DCP1B: variants seen among roughly 807,000 people sequenced by gnomAD.
The protein encoded by DCP1B is decapping mRNA 1B, also known as mRNA-decapping enzyme 1B.
DCP1B carries 47 observed loss-of-function variants against 60.5 expected under a neutral mutation model. The ratio of observed to expected loss-of-function variants is 0.78; its 90% CI spans 0.61 to 0.99. The LOEUF (loss-of-function observed/expected upper bound fraction) is 0.99. Ranked by LOEUF, DCP1B falls within the 50% of genes least tolerant of loss-of-function variation. DCP1B has a pLI of 0.00. For missense variants in DCP1B, 725 were observed against 756.8 expected (o/e 0.96, Z 0.49); for synonymous variants, 267 against 280.3 (o/e 0.95, Z 0.47).
At position 1,952,802 on chromosome 12, in the gene DCP1B, C is replaced by T; in HGVS notation, c.1138G>A (p.Ala380Thr). 6.2e-7 allele frequency: 1 copy of T among 1,614,188 alleles called. No individual in the cohort carries two copies. Among genetic ancestry groups the T allele is most frequent in the South Asian group, 1.1e-5 (1 of 91,084 alleles). Residue 380 changes from alanine to threonine, a missense_variant, in exon 7 of 9, where the codon GCT becomes ACT. Physicochemically the swap from Ala to Thr is moderately conservative, Grantham distance 58. Coordinates refer to ENST00000280665, the MANE Select transcript of DCP1B (RefSeq NM_152640.5). ...DPSTPAPASS[A>T]ALNRSRAPTS... ...GGAGCTCTGCTGCGGTTCAGGGCAG[C>T]TGAGCTGGCAGGTGCTGGTGTACTA...
At chr12:1,973,706 G>C (rs2033302709) in intron 3 of DCP1B, among the ~76,000 whole-genome samples, 1 of 152,076 alleles carries the variant, frequency 6.6e-6, no homozygotes, top group Non-Finnish European at 1.5e-5. Flanking sequence ...TTTAATCTAA[G>C]AGATATAACA....
chr12:1,955,400 A>G (rs764830101), intron 6 of DCP1B, 32 bp downstream of exon 6: 2 of 1,597,490 alleles, frequency 1.3e-6, no homozygotes, highest in East Asian at 2.3e-5. Flanking sequence ...TTCTAGAGAC[A>G]CACTGAATAT....
chr12:2,004,241 C>A, intron 1 of DCP1B, 41 bp downstream of exon 1: 2 of 1,610,450 alleles, frequency 1.2e-6, no homozygotes, highest in Non-Finnish European at 1.7e-6. Context: ...CCGCCTCCAC[C>A]CCAACCCTGG....
chr12:1,952,786 C>T lies in DCP1B; in HGVS notation c.1154G>A (p.Ser385Asn). 1.2e-6 allele frequency: 2 copies of T among 1,614,166 alleles called. No homozygotes were observed. Among genetic ancestry groups the T allele is most frequent in the Non-Finnish European group, 1.7e-6 (2 of 1,180,032 alleles). Residue 385 changes from serine to asparagine, a missense_variant, in exon 7 of 9, where the codon AGC becomes AAC. Coordinates refer to ENST00000280665, the MANE Select transcript of DCP1B (RefSeq NM_152640.5). The stretch of plus-strand genomic sequence containing the variant: ...AGGGGTGACAGAAGTGGGAGCTCTG[C>T]TGCGGTTCAGGGCAGCTGAGCTGGC... ...APASSAALNR[S>N]RAPTSVTPVA... is the part of the protein sequence containing the mutation.
chr12:1,944,691 C>T (rs1261180306), downstream of DCP1B, among the ~76,000 whole-genome samples: 1 of 152,198 alleles, frequency 6.6e-6, no homozygotes, highest in Non-Finnish European at 1.5e-5. Flanking sequence ...GGAAAGGATT[C>T]CCTATTTAAT....
intron 5 of DCP1B, among the ~76,000 whole-genome samples, chr12:1,965,002 G>A (rs1446483112): frequency 6.6e-6 from 1 of 152,050 alleles, no homozygotes; most frequent in Non-Finnish European, 1.5e-5. Context: ...CAGAGAGTAA[G>A]GGAGAAGTGG....
At chr12:1,996,661 A>AAAAAAAAAAAAAAAAG in intron 2 of DCP1B, among the ~76,000 whole-genome samples, 1 of 106,330 alleles carries the variant, frequency 9.4e-6, no homozygotes, top group Non-Finnish European at 1.9e-5. Flanking sequence ...AAAAACAACA[A>AAAAAAAAAAAAAAAAG]ACTCTTCTAA....
chr12:2,004,048 G>A (rs1360208912), intron 1 of DCP1B, among the ~76,000 whole-genome samples: 2 of 151,936 alleles, frequency 1.3e-5, no homozygotes, highest in Non-Finnish European at 2.9e-5. Flanking sequence ...CCCAGCGTTG[G>A]GTACGTTAGA....
Position 1,952,536 on chromosome 12 carries a change from A to G in DCP1B, c.1404T>C (p.Ser468=). ...IVQQEQQLHA[S]NRPALAAKFP... Reference sequence around the variant, plus strand: ...ACTTAGCGGCCAAGGCTGGCCGGTTAGAGGCATGCAGCTGCTGCTCCTGCT... The same window carrying G: ...ACTTAGCGGCCAAGGCTGGCCGGTTGGAGGCATGCAGCTGCTGCTCCTGCT... The change falls in exon 7 of 9, where the codon TCT becomes TCC. Residue 468 remains serine (S), a synonymous_variant. Coordinates refer to ENST00000280665, the MANE Select transcript of DCP1B (RefSeq NM_152640.5). 1 of 1,614,202 alleles carries G rather than the reference A, an allele frequency of 6.2e-7. No individual in the cohort carries two copies. Among genetic ancestry groups the G allele is most frequent in the Non-Finnish European group, 8.5e-7 (1 of 1,180,030 alleles).
chr12:1,947,037 G>C (rs1336905833), intron 8 of DCP1B, among the ~76,000 whole-genome samples: 2 of 152,116 alleles, frequency 1.3e-5, no homozygotes, highest in African/African-American at 4.8e-5. Context: ...TTTGTTTTGG[G>C]CATTACTTAG....
At chr12:1,978,083 G>C (rs2034982647) in intron 3 of DCP1B, among the ~76,000 whole-genome samples, 2 of 152,138 alleles carry the variant, frequency 1.3e-5, no homozygotes, top group South Asian at 4.1e-4. Context: ...CTTCCACTCA[G>C]GAAAAATATT....
chr12:1,958,831 G>A (rs193282386), intron 5 of DCP1B, among the ~76,000 whole-genome samples: 6 of 89,566 alleles, frequency 6.7e-5, no homozygotes, highest in African/African-American at 2.1e-4. Flanking sequence ...AGGAAACAGG[G>A]GAAAAGCTCC....
chr12:1,952,349 T>C, intron 7 of DCP1B, 67 bp downstream of exon 7: 2 of 1,479,046 alleles, frequency 1.4e-6, no homozygotes, highest in Non-Finnish European at 1.8e-6. Flanking sequence ...ACTTTTTTTT[T>C]TTTTTTAGGG....
At chr12:1,957,975 G>A (rs976332712) in intron 5 of DCP1B, among the ~76,000 whole-genome samples, 1 of 151,900 alleles carries the variant, frequency 6.6e-6, no homozygotes, top group Non-Finnish European at 1.5e-5. Context: ...TAAACCTCCT[G>A]GAAGGAAACA....
At chr12:1,967,781 C>T in intron 4 of DCP1B, 63 bp downstream of exon 4, 2 of 1,411,996 alleles carry the variant, frequency 1.4e-6, no homozygotes, top group South Asian at 1.2e-5. Flanking sequence ...TATAGTTACA[C>T]ACACTTAGAA....
intron 2 of DCP1B, among the ~76,000 whole-genome samples, chr12:1,996,087 T>C (rs2154476259): frequency 6.6e-6 from 1 of 152,284 alleles, no homozygotes; most frequent in South Asian, 2.1e-4. Context: ...CCCTTTCCAT[T>C]TCAATTTCTA....
chr12:1,985,999 G>C (rs1445096902), intron 3 of DCP1B, among the ~76,000 whole-genome samples: 1 of 152,060 alleles, frequency 6.6e-6, no homozygotes, highest in Non-Finnish European at 1.5e-5. Context: ...ATTTTTAGTA[G>C]AGATGGAGTT....
At chr12:1,977,186 A>G (rs2034650990) in intron 3 of DCP1B, among the ~76,000 whole-genome samples, 1 of 152,186 alleles carries the variant, frequency 6.6e-6, no homozygotes, top group Non-Finnish European at 1.5e-5. Flanking sequence ...GAATTTGTTA[A>G]GTTGGAAGAG....
intron 1 of DCP1B, among the ~76,000 whole-genome samples, chr12:1,998,966 C>G (rs2041560142): frequency 1.3e-5 from 2 of 152,178 alleles, no homozygotes; most frequent in Non-Finnish European, 2.9e-5. Flanking sequence ...AATGTCAAAA[C>G]AGCAGTTTTT....
Sources: allele counts gnomAD v4.1 joint callset (sites outside exome capture counted in the v4.1 genomes callset), GRCh38; gene constraint gnomAD v4.1.1; transcripts MANE v1.5; gene names NCBI Gene and HGNC (gene_info 2026-07-23, HGNC 2026-07-21).